Variants in ARL15 observed in about 807,000 individuals in gnomAD.
ARL15 encodes ADP-ribosylation factor-like protein 15.
ARL15 carries 19 observed loss-of-function variants against 25.2 expected under a neutral mutation model. The ratio of observed to expected loss-of-function variants is 0.75; its 90% CI spans 0.53 to 1.10. ARL15 has a LOEUF of 1.10. Among genes scored for constraint, ARL15 ranks in the 50% least tolerant of loss-of-function variants. ARL15 has a pLI of 0.00. For synonymous variants in ARL15, 94 were observed against 86.8 expected (o/e 1.08, Z -0.46); for missense variants, 220 against 246.0 (o/e 0.89, Z 0.71).
In ARL15 at chr5:53,958,117, G is replaced by C. The variant is rs1020805143; in HGVS notation, c.463-71404C>G. 2.0e-5 allele frequency among the ~76,000 whole-genome samples: 3 copies of C among 152,014 alleles called. No homozygotes were observed. The East Asian group carries it at 5.8e-4, about 29-fold the overall frequency. On this transcript the variant is annotated intron_variant, in intron 4 of 4. Coordinates refer to ENST00000504924, the MANE Select transcript of ARL15 (RefSeq NM_019087.3). ...CCCAGCTACTAAGGAGGCTGAGACA[G>C]GAGAATCGCTTGAGCCTGGGAGGAG...
chr5:53,888,145 AACACCTC>A (rs1164539668), intron 4 of ARL15, among the ~76,000 whole-genome samples: 1 of 152,162 alleles, frequency 6.6e-6, no homozygotes, highest in African/African-American at 2.4e-5. Context: ...AAGAGTAATG[AACACCTC>A]ACTTGCAGAT....
intron 4 of ARL15, among the ~76,000 whole-genome samples, chr5:54,012,858 G>A (rs1363897844): frequency 3.0e-5 from 4 of 132,282 alleles, no homozygotes; most frequent in Non-Finnish European, 4.6e-5. Context: ...TCGCTCTGTC[G>A]CCAAGGCCGG....
chr5:54,242,777 G>C (rs1458455586), intron 1 of ARL15, among the ~76,000 whole-genome samples: 1 of 152,124 alleles, frequency 6.6e-6, no homozygotes, highest in Non-Finnish European at 1.5e-5. Context: ...GCCTAAAGTT[G>C]CACTTACCCC....
At chr5:54,207,194 G>C (rs1436241877) in intron 1 of ARL15, among the ~76,000 whole-genome samples, 3 of 152,192 alleles carry the variant, frequency 2.0e-5, no homozygotes, top group African/African-American at 7.2e-5. Context: ...GATGTGGCAC[G>C]ATACTAACTC....
intron 1 of ARL15, among the ~76,000 whole-genome samples, chr5:54,196,597 G>A (rs1444013473): frequency 6.6e-6 from 1 of 151,926 alleles, no homozygotes; most frequent in Admixed American, 6.6e-5. Context: ...TGCCATACTA[G>A]TTCAAGCTTA....
chr5:53,979,875 G>A (rs1161602916), intron 4 of ARL15, among the ~76,000 whole-genome samples: 3 of 132,010 alleles, frequency 2.3e-5, no homozygotes, highest in African/African-American at 8.8e-5. Context: ...GTGTGTGTGT[G>A]TGTATGTTTC....
intron 4 of ARL15, among the ~76,000 whole-genome samples, chr5:53,941,549 A>G (rs994317330): frequency 6.6e-6 from 1 of 152,206 alleles, no homozygotes; most frequent in African/African-American, 2.4e-5. Context: ...ATGATGCCCA[A>G]TTCTGGTTTT....
intron 4 of ARL15, among the ~76,000 whole-genome samples, chr5:54,100,059 G>A (rs866578767): frequency 6.6e-6 from 1 of 152,024 alleles, no homozygotes; most frequent in South Asian, 2.1e-4. Flanking sequence ...TATACAAGGA[G>A]ACATGTACAA....
Position 54,256,065 on chromosome 5 carries a change from A to C in ARL15, c.48+54367T>G, listed in dbSNP as rs568790485. 1.4e-4 allele frequency among the ~76,000 whole-genome samples: 22 copies of C among 152,226 alleles called. 1 individual carries two copies. The South Asian group carries it at 4.6e-3, about 32-fold the overall frequency. ...GCTAGCAGAAGGAAAAAAAAAAATA[A>C]CAAAGATCAGAACAGAACTAAATGA... On this transcript the variant is annotated intron_variant, in intron 1 of 4. Coordinates refer to ENST00000504924, the MANE Select transcript of ARL15 (RefSeq NM_019087.3).
chr5:54,236,445 CAA>C (rs1260245499), intron 1 of ARL15, among the ~76,000 whole-genome samples: 1 of 146,002 alleles, frequency 6.8e-6, no homozygotes, highest in African/African-American at 2.6e-5. Context: ...CACACACACA[CAA>C]ATCAGTAGTA....
intron 3 of ARL15, among the ~76,000 whole-genome samples, chr5:54,116,120 C>T (rs924889713): frequency 1.3e-5 from 2 of 152,196 alleles, no homozygotes; most frequent in Non-Finnish European, 2.9e-5. Context: ...GGGAGCTGAG[C>T]TATTACACCC....
At chr5:54,146,869 T>A (rs1753926840) in intron 3 of ARL15, among the ~76,000 whole-genome samples, 1 of 152,126 alleles carries the variant, frequency 6.6e-6, no homozygotes, top group Non-Finnish European at 1.5e-5. Context: ...GAAGATAAAT[T>A]TTTTAAAATT....
At chr5:54,132,003 C>A (rs534671459) in intron 3 of ARL15, among the ~76,000 whole-genome samples, 1 of 151,592 alleles carries the variant, frequency 6.6e-6, no homozygotes, top group Non-Finnish European at 1.5e-5. Context: ...AGATACAAAC[C>A]CAAAATAATT....
chr5:53,933,922 G>A (rs1226595658), intron 4 of ARL15, among the ~76,000 whole-genome samples: 3 of 152,130 alleles, frequency 2.0e-5, no homozygotes, highest in Admixed American at 6.5e-5. Flanking sequence ...GTAAATGACC[G>A]CTGTGTGGGC....
intron 4 of ARL15, among the ~76,000 whole-genome samples, chr5:54,060,465 AC>A (rs1751029945): frequency 6.6e-6 from 1 of 152,196 alleles, no homozygotes; most frequent in Non-Finnish European, 1.5e-5. Context: ...AAATAAAAAA[AC>A]ATGGGAGTTT....
intron 4 of ARL15, among the ~76,000 whole-genome samples, chr5:53,957,230 C>T (rs1239218926): frequency 6.6e-6 from 1 of 152,094 alleles, no homozygotes; most frequent in Non-Finnish European, 1.5e-5. Context: ...GAATTTACCA[C>T]ATAGAAGTGA....
At chr5:54,184,692 T>C in intron 1 of ARL15, among the ~76,000 whole-genome samples, 1 of 151,902 alleles carries the variant, frequency 6.6e-6, no homozygotes, top group Admixed American at 6.6e-5. Context: ...TCCTATTCTA[T>C]TCTTCACTTA....
At chr5:54,065,583 T>TTGAGGCTGAAGCAGGAGAATCACC (rs375217633) in intron 4 of ARL15, among the ~76,000 whole-genome samples, 1 of 151,860 alleles carries the variant, frequency 6.6e-6, no homozygotes, top group African/African-American at 2.4e-5. Flanking sequence ...GGAGAATCAC[T>TTGAGGCTGAAGCAGGAGAATCACC]TGAACCCAGG....
chr5:53,986,819 T>C (rs1664789), intron 4 of ARL15, among the ~76,000 whole-genome samples: 54,282 of 152,006 alleles, frequency 0.36, 10,598 homozygotes, highest in Middle Eastern at 0.46. Flanking sequence ...AGTCCTTTGC[T>C]AATGAGGCTG....
Sources: allele counts gnomAD v4.1 joint callset (sites outside exome capture counted in the v4.1 genomes callset), GRCh38; gene constraint gnomAD v4.1.1; transcripts MANE v1.5; gene names NCBI Gene and HGNC (gene_info 2026-07-23, HGNC 2026-07-21).